TYW1B: variants seen among roughly 807,000 people sequenced by gnomAD.
TYW1B encodes tRNA-yW synthesizing protein 1 homolog B, also known as S-adenosyl-L-methionine-dependent tRNA 4-demethylwyosine synthase TYW1B.
Under a neutral mutation model 86.9 loss-of-function variants are expected in TYW1B, and 73 were observed. The ratio of observed to expected loss-of-function variants is 0.84; its 90% CI spans 0.70 to 1.02. The LOEUF (loss-of-function observed/expected upper bound fraction) is 1.02, where lower values mean the gene tolerates loss of function less well. TYW1B is among the 50% of genes least tolerant of loss of function. The pLI is 0.00. For missense variants in TYW1B, 637 were observed against 827.4 expected, an observed-to-expected ratio of 0.77 and a Z score of 2.82; for synonymous variants, 248 against 292.8, an observed-to-expected ratio of 0.85 and a Z score of 1.56.
rs1554481540 is a variant in TYW1B at position 72,826,962 on chromosome 7, G to A, written c.28C>T (p.Leu10Phe). 1.3e-5 allele frequency: 21 copies of A among 1,611,624 alleles called. No individual in the cohort carries two copies. The highest frequency in any genetic ancestry group is 1.7e-5 in the Non-Finnish European group (20 of 1,179,332). The change falls in exon 2 of 14, where the codon CTC (leucine) becomes TTC (phenylalanine). Residue 10 changes from leucine to phenylalanine, a missense_variant. Leu to Phe is a conservative substitution (Grantham distance 22). Coordinates refer to ENST00000620995, the MANE Select transcript of TYW1B (RefSeq NM_001145440.3). MDPSADTWDLSSPLISLWIN... is the reference protein window; with the variant it reads MDPSADTWDFSSPLISLWIN... ...CATAATGATATTAAAGGTGAGGAGA[G>A]GTCCCATGTATCCGCAGAAGGATCT...
At chr7:72,667,048 A>AAAAAAAGG (rs60588106) in intron 11 of TYW1B, among the ~76,000 whole-genome samples, 3 of 131,370 alleles carry the variant, frequency 2.3e-5, no homozygotes, top group Non-Finnish European at 4.7e-5. Context: ...AAAAAAAAAA[A>AAAAAAAGG]AAAGAAACTA....
intron 8 of TYW1B, among the ~76,000 whole-genome samples, chr7:72,739,599 C>T (rs1366145806): frequency 6.7e-6 from 1 of 149,502 alleles, no homozygotes; most frequent in Non-Finnish European, 1.5e-5. Flanking sequence ...GAGTGAGACT[C>T]CGTCTCCAAA....
At chr7:72,606,365 T>C (rs1811798573) in intron 13 of TYW1B, among the ~76,000 whole-genome samples, 1 of 152,102 alleles carries the variant, frequency 6.6e-6, no homozygotes, top group East Asian at 1.9e-4. Flanking sequence ...GACTCCCACC[T>C]TCACCTGGTT....
At chr7:72,808,518 A>C (rs1436074773) in intron 4 of TYW1B, among the ~76,000 whole-genome samples, 1 of 137,070 alleles carries the variant, frequency 7.3e-6, no homozygotes, top group East Asian at 2.2e-4. Context: ...AACAGCTTTT[A>C]TTTTATTTTA....
At chr7:72,795,642 T>C (rs1449069985) in intron 6 of TYW1B, among the ~76,000 whole-genome samples, 2 of 146,566 alleles carry the variant, frequency 1.4e-5, no homozygotes, top group African/African-American at 2.5e-5. Flanking sequence ...ATCTCTCCAT[T>C]TGTAAAGGCA....
chr7:72,670,901 C>G (rs2507793), intron 11 of TYW1B, among the ~76,000 whole-genome samples: 1 of 152,064 alleles, frequency 6.6e-6, no homozygotes, highest in Admixed American at 6.6e-5. Context: ...TAAATATACA[C>G]GATGTATTTT....
chr7:72,680,130 T>C (rs1489717287), intron 11 of TYW1B, among the ~76,000 whole-genome samples: 4 of 152,202 alleles, frequency 2.6e-5, no homozygotes, highest in African/African-American at 9.6e-5. Context: ...CCCTGTGTGA[T>C]GGTTAACACT....
chr7:72,719,536 C>A (rs1405913192), intron 9 of TYW1B, among the ~76,000 whole-genome samples: 5 of 144,820 alleles, frequency 3.5e-5, no homozygotes, highest in African/African-American at 1.3e-4. Flanking sequence ...GAGGCTGAGC[C>A]AGGAGAATTG....
chr7:72,817,326 C>T (rs566145564), intron 2 of TYW1B, among the ~76,000 whole-genome samples: 3 of 151,892 alleles, frequency 2.0e-5, no homozygotes, highest in South Asian at 2.1e-4. Flanking sequence ...GAGAACTGCT[C>T]GAACCCAGGA....
chr7:72,777,324 G>A lies in TYW1B; in HGVS notation c.964+92C>T, dbSNP rs1356186564. ...GTTATATCTGCCACTATGAACAGCT[G>A]CTGAGCTAATTAGAGAGAGACTTCA... On this transcript the variant is annotated intron_variant, in intron 7 of 13. Transcript: ENST00000620995. 9 of 1,449,402 alleles carry A rather than the reference G, an allele frequency of 6.2e-6. No individual in the cohort carries two copies. The Middle Eastern group carries it at 5.4e-4, about 87-fold the overall frequency. The allele number at this position is 1,449,402 out of a possible 1,614,324, so 89.8% of individuals were successfully genotyped here.
At chr7:72,727,364 A>C (rs1554458911) in intron 9 of TYW1B, among the ~76,000 whole-genome samples, 1 of 152,188 alleles carries the variant, frequency 6.6e-6, no homozygotes, top group Non-Finnish European at 1.5e-5. Flanking sequence ...AGAAGGAGTC[A>C]CCAGTGGTAG....
chr7:72,669,302 G>A (rs1219792531), intron 11 of TYW1B, among the ~76,000 whole-genome samples: 4 of 151,562 alleles, frequency 2.6e-5, no homozygotes, highest in South Asian at 2.1e-4. Flanking sequence ...CTGCCACCAC[G>A]CCCGGCTAAT....
chr7:72,685,825 C>G (rs1417250368), intron 11 of TYW1B, among the ~76,000 whole-genome samples: 2 of 152,112 alleles, frequency 1.3e-5, no homozygotes, highest in Non-Finnish European at 2.9e-5. Flanking sequence ...CATTTTTGCT[C>G]TGCAGAAGAC....
At chr7:72,719,283 GACC>G (rs1786848194) in intron 9 of TYW1B, among the ~76,000 whole-genome samples, 1 of 151,836 alleles carries the variant, frequency 6.6e-6, no homozygotes, top group Non-Finnish European at 1.5e-5. Flanking sequence ...CAGGTGCTAG[GACC>G]ACAAGCATAT....
At chr7:72,810,038 T>C (rs1344608823) in intron 4 of TYW1B, among the ~76,000 whole-genome samples, 2 of 144,324 alleles carry the variant, frequency 1.4e-5, no homozygotes, top group Non-Finnish European at 3.0e-5. Context: ...CTGGGCACAG[T>C]GGCTCACTTT....
chr7:72,698,980 G>T (rs1245366183), intron 10 of TYW1B, among the ~76,000 whole-genome samples: 1 of 152,164 alleles, frequency 6.6e-6, no homozygotes, highest in East Asian at 1.9e-4. Flanking sequence ...GGATTACTAC[G>T]AACTGGACAC....
intron 13 of TYW1B, 98 bp downstream of exon 13, chr7:72,616,574 T>A: frequency 6.3e-7 from 1 of 1,578,552 alleles, no homozygotes; most frequent in Non-Finnish European, 8.7e-7. Context: ...AGCACGCAGA[T>A]CATCCCTATA....
At chr7:72,595,904 G>A (rs1438509471) in intron 13 of TYW1B, among the ~76,000 whole-genome samples, 10 of 152,028 alleles carry the variant, frequency 6.6e-5, no homozygotes, top group African/African-American at 9.6e-5. Context: ...GGCCGGGCAC[G>A]GTGGCTCACA....
At chr7:72,672,339 G>A (rs1291462523) in intron 11 of TYW1B, among the ~76,000 whole-genome samples, 2 of 151,808 alleles carry the variant, frequency 1.3e-5, no homozygotes, top group Admixed American at 6.6e-5. Context: ...AAGGGATTCT[G>A]TTCCTCTTAC....
Sources: gnomAD v4.1 joint callset for allele counts (sites outside exome capture counted in the v4.1 genomes callset) on GRCh38, gnomAD v4.1.1 for gene constraint, MANE v1.5 for transcripts, NCBI Gene and HGNC (gene_info 2026-07-23, HGNC 2026-07-21) for gene names.